The following ARHGEF7 variants were observed in gnomAD, a reference collection of about 807,000 sequenced individuals.
The protein encoded by ARHGEF7 is PAK-interacting exchange factor beta.
ARHGEF7 carries 33 observed loss-of-function variants against 109.8 expected under a neutral mutation model. The ratio of observed to expected loss-of-function variants is 0.30; its 90% CI spans 0.23 to 0.40. ARHGEF7 has a LOEUF of 0.40. Among genes scored for constraint, ARHGEF7 ranks in the 10% least tolerant of loss-of-function variants. The probability of loss-of-function intolerance (pLI) is 1.00; values close to 1 mark genes in which losing one functional copy is unlikely to be tolerated. For synonymous variants in ARHGEF7, 458 were observed against 424.6 expected, an observed-to-expected ratio of 1.08 and a Z score of -0.97; for missense variants, 938 against 1,098.5, an observed-to-expected ratio of 0.85 and a Z score of 2.07.
chr13:111,150,854 A>G (rs2075853355), intron 1 of ARHGEF7, among the ~76,000 whole-genome samples: 1 of 152,242 alleles, frequency 6.6e-6, no homozygotes, highest in African/African-American at 2.4e-5. Context: ...TTCATCGTGC[A>G]ATGAACTGGG....
chr13:111,223,357 A>G (rs2084735804), intron 5 of ARHGEF7, among the ~76,000 whole-genome samples: 1 of 152,226 alleles, frequency 6.6e-6, no homozygotes, highest in Non-Finnish European at 1.5e-5. Context: ...TGTTAGGATC[A>G]TTTCTTTATT....
intron 8 of ARHGEF7, among the ~76,000 whole-genome samples, chr13:111,248,916 A>G (rs1241857016): frequency 6.6e-6 from 1 of 152,128 alleles, no homozygotes; most frequent in Non-Finnish European, 1.5e-5. Flanking sequence ...TGATCATGTT[A>G]GGTTTCCCTG....
At chr13:111,302,164 C>G (rs2093582985) in intron 21 of ARHGEF7, among the ~76,000 whole-genome samples, 1 of 152,226 alleles carries the variant, frequency 6.6e-6, no homozygotes, top group Non-Finnish European at 1.5e-5. Context: ...CTCCCGAAGC[C>G]AGGTTAGCGA....
chr13:111,188,571 G>C (rs1055713449), intron 2 of ARHGEF7, among the ~76,000 whole-genome samples: 3 of 152,180 alleles, frequency 2.0e-5, no homozygotes. Context: ...CTTCAGGGCC[G>C]ACTTGCATTT....
intron 2 of ARHGEF7, among the ~76,000 whole-genome samples, chr13:111,202,878 C>G (rs955546697): frequency 6.6e-6 from 1 of 152,224 alleles, no homozygotes; most frequent in Non-Finnish European, 1.5e-5. Context: ...CATTTTCCCC[C>G]TCTCAGGGGT....
In ARHGEF7 at chr13:111,266,424, T is replaced by G. The variant is rs1441178328; in HGVS notation, c.951-1124T>G. Among the ~76,000 whole-genome samples the G allele has an allele frequency of 6.6e-6, 1 of 152,220 alleles. No homozygotes were observed. The highest frequency in any genetic ancestry group is 1.5e-5 in the Non-Finnish European group (1 of 68,038). On this transcript the variant is annotated intron_variant, in intron 8 of 21. Transcript: ENST00000646102. This position sits in a 1 kb window ranked among gnomAD's most constrained non-coding sequence, Gnocchi z 4.8. ...CTCTTGTGCCTTGCACTCTTTCTGT[T>G]TAGTCGTGTGATGATTTCTTTGATT...
chr13:111,208,165 C>T (rs372705180), intron 3 of ARHGEF7, among the ~76,000 whole-genome samples: 132 of 152,306 alleles, frequency 8.7e-4, no homozygotes, highest in African/African-American at 3.0e-3. Context: ...CTCGGCCTCC[C>T]GAGTAGCTGG....
chr13:111,208,310 G>C (rs765682101), intron 3 of ARHGEF7, among the ~76,000 whole-genome samples: 4 of 152,200 alleles, frequency 2.6e-5, no homozygotes, highest in Non-Finnish European at 5.9e-5. Context: ...TAAGTGTTAG[G>C]ATTACAGGCA....
rs554592151 is a variant in ARHGEF7, at chr13:111,228,619, G to A, written c.671-4586G>A. On this transcript the variant is annotated intron_variant, in intron 5 of 21. Transcript: ENST00000646102. The surrounding 1 kb of genome is among the most constrained non-coding windows in gnomAD (Gnocchi z 4.6). ...ATTATAACATTTTCGAACAAAGATC[G>A]AGCGTCTTAGCAGATCATCCCTTGA... Among the ~76,000 whole-genome samples the A allele has an allele frequency of 9.1e-4, 139 of 152,248 alleles. 1 individual carries two copies. Among genetic ancestry groups the A allele is most frequent in the African/African-American group, 2.9e-3 (121 of 41,542 alleles).
intron 2 of ARHGEF7, among the ~76,000 whole-genome samples, chr13:111,187,617 A>G (rs1228824226): frequency 2.6e-5 from 4 of 152,244 alleles, no homozygotes; most frequent in African/African-American, 9.6e-5. Context: ...TATATTAGAC[A>G]TATCACACGA....
chr13:111,221,790 A>AT (rs937645617), intron 5 of ARHGEF7, among the ~76,000 whole-genome samples: 2 of 151,386 alleles, frequency 1.3e-5, no homozygotes, highest in Admixed American at 6.6e-5. Flanking sequence ...AAGAACCCTC[A>AT]TACACCTATG....
At chr13:111,221,808 A>G (rs897628150) in intron 5 of ARHGEF7, among the ~76,000 whole-genome samples, 1 of 151,452 alleles carries the variant, frequency 6.6e-6, no homozygotes, top group Non-Finnish European at 1.5e-5. Context: ...ATGGATTCAT[A>G]TATGTATGTA....
rs2076094534 is a variant in ARHGEF7 at position 111,154,063 on chromosome 13, T to C, written c.252+72T>C. 6 of 1,431,422 alleles carry C rather than the reference T, an allele frequency of 4.2e-6. No homozygotes were observed. The Admixed American group carries it at 6.5e-5, about 16-fold the overall frequency. 88.7% of individuals were successfully genotyped at this position (1,431,422 alleles called of 1,614,324 possible). A position where few individuals can be genotyped will look rare whatever the true frequency, so the allele number is the denominator to read the frequency against. ...GTTGGGCCCGGGGTGGGTGCTTCGC[T>C]CCAGCCGGACCTCCTGCCTCCTCCG... On this transcript the variant is annotated intron_variant, in intron 2 of 21. Transcript: ENST00000646102.
intron 8 of ARHGEF7, among the ~76,000 whole-genome samples, chr13:111,249,338 G>C (rs1044082087): frequency 3.3e-5 from 5 of 152,036 alleles, no homozygotes; most frequent in African/African-American, 9.7e-5. Flanking sequence ...GGTCTCAATC[G>C]ATAGAGGTTT....
In ARHGEF7 at chr13:111,299,481, T is replaced by G. The variant is rs185774966; in HGVS notation, c.2312-1267T>G. 7.8e-3 allele frequency among the ~76,000 whole-genome samples: 1,190 copies of G among 151,904 alleles called. 16 individuals are homozygous for G. The highest frequency in any genetic ancestry group is 0.027 in the African/African-American group (1,107 of 41,442). ...CCTCAGCCTCCCGAGTAGCTGGGAC[T>G]ATAGGCGCCTGCCACCACGCCCGGC... On this transcript the variant is annotated intron_variant, in intron 19 of 21. Transcript: ENST00000646102.
At chr13:111,267,352 C>T (rs1411612816) in intron 8 of ARHGEF7, among the ~76,000 whole-genome samples, 196 bp from the exon 9 acceptor site, 1 of 152,032 alleles carries the variant, frequency 6.6e-6, no homozygotes. Context: ...CCTGGCAGCA[C>T]AGCTGCTTTC....
At chr13:111,171,203 A>G (rs993959446) in intron 2 of ARHGEF7, among the ~76,000 whole-genome samples, 2 of 152,214 alleles carry the variant, frequency 1.3e-5, no homozygotes, top group Non-Finnish European at 2.9e-5. Context: ...TGAGGAAGGT[A>G]CGGTTTTTTC....
intron 5 of ARHGEF7, among the ~76,000 whole-genome samples, chr13:111,218,321 A>G (rs2083389084): frequency 6.6e-6 from 1 of 152,148 alleles, no homozygotes. Flanking sequence ...GTATTTTACA[A>G]ATGCATTGCT....
Position 111,244,266 on chromosome 13 carries a change from C to T in ARHGEF7, c.922C>T (p.Leu308Phe), listed in dbSNP as rs759607285. Reference protein sequence around the residue: ...LEEICSFQQMLVQSLEECTKL... With the variant: ...LEEICSFQQMFVQSLEECTKL... Reference sequence around the variant, plus strand: ...AGAAATATGTTCTTTCCAGCAAATGCTCGTACAGTCTTTAGAAGAATGCAC... The same window carrying T: ...AGAAATATGTTCTTTCCAGCAAATGTTCGTACAGTCTTTAGAAGAATGCAC... The change falls in exon 8 of 22, where the codon CTC becomes TTC. Residue 308 changes from leucine (L) to phenylalanine (F), a missense_variant. Leu to Phe is a conservative substitution (Grantham distance 22, BLOSUM62 0). Transcript: ENST00000646102. 3.1e-6 allele frequency: 5 copies of T among 1,608,318 alleles called. No homozygotes were observed. The African/African-American group carries it at 6.7e-5, about 22-fold the overall frequency.
Sources: allele counts gnomAD v4.1 joint callset (sites outside exome capture counted in the v4.1 genomes callset), GRCh38; gene constraint gnomAD v4.1.1; non-coding constraint Gnocchi (gnomAD v3.1); transcripts MANE v1.5; gene names NCBI Gene and HGNC (gene_info 2026-07-23, HGNC 2026-07-21).